NOPCHAP1: variants seen among roughly 807,000 people sequenced by gnomAD.
The protein encoded by NOPCHAP1 is NOP protein chaperone 1, also known as DNA damage-sensitive RNA 1.
In NOPCHAP1, 13 loss-of-function variants were observed where a neutral mutation model predicts 14.0. That is an observed-to-expected ratio of 0.93 (90% CI 0.60 to 1.47). The LOEUF is 1.47. Ranked by LOEUF, NOPCHAP1 falls within the 40% of genes most tolerant of loss-of-function variation. NOPCHAP1 has a pLI of 0.00. For synonymous variants in NOPCHAP1, 78 were observed against 78.4 expected (o/e 1.00, Z 0.03); for missense variants, 230 against 226.9 (o/e 1.01, Z -0.09).
Position 104,998,257 on chromosome 12 carries a change from A to T in NOPCHAP1, c.*3561A>T, listed in dbSNP as rs1188319188. 1 of 152,336 alleles carries T rather than the reference A, an allele frequency of 6.6e-6. No homozygotes were observed. Among genetic ancestry groups the T allele is most frequent in the East Asian group, 1.9e-4 (1 of 5,202 alleles). The allele number at this position is 152,336 out of a possible 1,614,324, so 9.4% of individuals were successfully genotyped here. On this transcript the variant is annotated 3_prime_UTR_variant, in exon 4 of 4. Transcript: ENST00000552951. ...GGAACTAGTGTAGTTTTTTGGAGGT[A>T]AGAAGATACTCTAGTGCTTTTGTCA...
In NOPCHAP1 at chr12:105,005,902, G is replaced by A. The variant is rs975256078; in HGVS notation, c.*11206G>A. On this transcript the variant is annotated 3_prime_UTR_variant, in exon 4 of 4. Coordinates refer to ENST00000552951, the MANE Select transcript of NOPCHAP1 (RefSeq NM_152318.3). ...ATGATCAGAACCCTTCTGCCAGATTGTCTAATGTCAATGTGTTTTCTGATA... is the reference window on the plus strand; with the variant it reads ...ATGATCAGAACCCTTCTGCCAGATTATCTAATGTCAATGTGTTTTCTGATA... 1 of 152,204 alleles carries A rather than the reference G, an allele frequency of 6.6e-6. No individual in the cohort carries two copies. Among genetic ancestry groups the A allele is most frequent in the African/African-American group, 2.4e-5 (1 of 41,450 alleles). 9.4% of individuals were successfully genotyped at this position (152,204 alleles called of 1,614,324 possible).
At chr12:104,989,804 T>C (rs546214849) in intron 2 of NOPCHAP1, among the ~76,000 whole-genome samples, 8 of 152,254 alleles carry the variant, frequency 5.3e-5, no homozygotes, top group African/African-American at 1.9e-4. Context: ...TTGGGTCTTA[T>C]GTTTTGTGTG....
In NOPCHAP1 at chr12:105,012,319, G is replaced by C. The variant is rs570978893; in HGVS notation, c.*17623G>C. ...GTATGCTTCACGAAGTTCTTGGGCTGTGTTTTTCAGCTCCATCAGGTCATT... is the reference window on the plus strand; with the variant it reads ...GTATGCTTCACGAAGTTCTTGGGCTCTGTTTTTCAGCTCCATCAGGTCATT... On this transcript the variant is annotated 3_prime_UTR_variant, in exon 4 of 4. Transcript: ENST00000552951. The C allele has an allele frequency of 6.6e-6, 1 of 152,282 alleles. No individual in the cohort carries two copies. The highest frequency in any genetic ancestry group is 1.9e-4 in the East Asian group (1 of 5,184). The allele number at this position is 152,282 out of a possible 1,614,324, so 9.4% of individuals were successfully genotyped here.
rs1479016857 is a variant in NOPCHAP1, at chr12:104,994,505, T to C, written c.367T>C (p.Ser123Pro). ...TGTGGCTTTGTTTGAGATGAATCAG[T>C]CGGATTCAAAAGAAGTGGACAGTTC... is the stretch of plus-strand genomic sequence containing the variant. Reference protein sequence around the residue: ...MDVALFEMNQSDSKEVDSSEE... With the variant: ...MDVALFEMNQPDSKEVDSSEE... The change falls in exon 4 of 4, where the codon TCG becomes CCG. Residue 123 changes from serine (S) to proline (P), a missense_variant. Transcript: ENST00000552951. 1.2e-6 allele frequency: 2 copies of C among 1,613,928 alleles called. No individual in the cohort carries two copies. Among genetic ancestry groups the C allele is most frequent in the Non-Finnish European group, 1.7e-6 (2 of 1,179,900 alleles).
At chr12:104,989,141 A>T (rs1256082496) in intron 2 of NOPCHAP1, among the ~76,000 whole-genome samples, 1 of 151,930 alleles carries the variant, frequency 6.6e-6, no homozygotes, top group African/African-American at 2.4e-5. Context: ...TAGTGTGGAT[A>T]TAGTGGTATC....
chr12:104,994,727 A>G lies in NOPCHAP1; in HGVS notation c.*31A>G. On this transcript the variant is annotated 3_prime_UTR_variant, in exon 4 of 4. Transcript: ENST00000552951. Reference sequence around the variant, plus strand: ...TAAATTATCTGAAAAGAAACAGGTGACATATGTCTGCAAATTCTGTGAAAA... The same window carrying G: ...TAAATTATCTGAAAAGAAACAGGTGGCATATGTCTGCAAATTCTGTGAAAA... The G allele has an allele frequency of 6.4e-7, 1 of 1,550,888 alleles. No homozygotes were observed. The highest frequency in any genetic ancestry group is 8.8e-7 in the Non-Finnish European group (1 of 1,131,282).
chr12:104,986,605 T>A (rs563275099), intron 1 of NOPCHAP1, 138 bp downstream of exon 1: 1 of 678,280 alleles, frequency 1.5e-6, no homozygotes, highest in Non-Finnish European at 2.3e-6. Context: ...GCTGCGGGGC[T>A]CCGGCGTGCC....
rs1351783587 is a variant in NOPCHAP1 at position 105,017,412 on chromosome 12, T to G, written c.*22716T>G. 6.9e-6 allele frequency: 1 copy of G among 145,616 alleles called. No homozygotes were observed. The highest frequency in any genetic ancestry group is 2.6e-5 in the African/African-American group (1 of 39,158). The allele number at this position is 145,616 out of a possible 1,614,324, so 9.0% of individuals were successfully genotyped here. ...TACTTGGGAGGCTGAGGCAGGAGAA[T>G]CGCTTGAACCCAGGAGGTGGAGGTT... On this transcript the variant is annotated 3_prime_UTR_variant, in exon 4 of 4. Coordinates refer to ENST00000552951, the MANE Select transcript of NOPCHAP1 (RefSeq NM_152318.3).
Position 104,994,775 on chromosome 12 carries a change from T to C in NOPCHAP1, c.*79T>C. On this transcript the variant is annotated 3_prime_UTR_variant, in exon 4 of 4. Coordinates refer to ENST00000552951, the MANE Select transcript of NOPCHAP1 (RefSeq NM_152318.3). ...AAAAGAATGTGATTCACGGGTTCTT[T>C]TGCTTTTCAGGCACCTATGGTGCTT... The C allele has an allele frequency of 7.5e-7, 1 of 1,338,912 alleles. No individual in the cohort carries two copies. The highest frequency in any genetic ancestry group is 1.0e-6 in the Non-Finnish European group (1 of 957,706). 82.9% of individuals were successfully genotyped at this position (1,338,912 alleles called of 1,614,324 possible). A position where few individuals can be genotyped will look rare whatever the true frequency, so the allele number is the denominator to read the frequency against.
Position 105,012,663 on chromosome 12 carries a change from T to A in NOPCHAP1, c.*17967T>A, listed in dbSNP as rs1037721531. 1.3e-5 allele frequency: 2 copies of A among 152,120 alleles called. No homozygotes were observed. The highest frequency in any genetic ancestry group is 6.6e-5 in the Admixed American group (1 of 15,260). The allele number at this position is 152,120 out of a possible 1,614,324, so 9.4% of individuals were successfully genotyped here. On this transcript the variant is annotated 3_prime_UTR_variant, in exon 4 of 4. Coordinates refer to ENST00000552951, the MANE Select transcript of NOPCHAP1 (RefSeq NM_152318.3). ...CTCTTTTATGTTGGTAACCTTTGGG[T>A]GGGGTTTCTGTGTGGACGTCCTTTT...
At position 104,999,315 on chromosome 12, in the gene NOPCHAP1, C is replaced by G. The variant is rs756401301; in HGVS notation, c.*4619C>G. On this transcript the variant is annotated 3_prime_UTR_variant, in exon 4 of 4. Coordinates refer to ENST00000552951, the MANE Select transcript of NOPCHAP1 (RefSeq NM_152318.3). Reference sequence around the variant, plus strand: ...GAGAGTGGGATCAGGTGGTCTGGTGCACGGTCTGTTGTGGGTGGGGGTAGT... The same window carrying G: ...GAGAGTGGGATCAGGTGGTCTGGTGGACGGTCTGTTGTGGGTGGGGGTAGT... 4 of 152,464 alleles carry G rather than the reference C, an allele frequency of 2.6e-5. No individual in the cohort carries two copies. Among genetic ancestry groups the G allele is most frequent in the Non-Finnish European group, 4.4e-5 (3 of 68,296 alleles). The allele number at this position is 152,464 out of a possible 1,614,324, so 9.4% of individuals were successfully genotyped here.
Position 104,988,270 on chromosome 12 carries a change from C to A in NOPCHAP1, c.202+17C>A. 2 of 1,551,436 alleles carry A rather than the reference C, an allele frequency of 1.3e-6. No homozygotes were observed. Among genetic ancestry groups the A allele is most frequent in the Non-Finnish European group, 8.9e-7 (1 of 1,126,492 alleles). ...GGAGTCCCTGTAAGTACCTCTTCCC[C>A]TCTCTCACCCTCTCTAATGCTGAGT... On this transcript the variant is annotated intron_variant, in intron 2 of 3. Transcript: ENST00000552951.
In NOPCHAP1 at chr12:105,001,957, G is replaced by C. The variant is rs1438539420; in HGVS notation, c.*7261G>C. The C allele has an allele frequency of 6.6e-6, 1 of 152,124 alleles. No homozygotes were observed. The highest frequency in any genetic ancestry group is 1.5e-5 in the Non-Finnish European group (1 of 68,012). 9.4% of individuals were successfully genotyped at this position (152,124 alleles called of 1,614,324 possible). Reference sequence around the variant, plus strand: ...TTATTTAAAGGTATTATGGGGAGCAGTTTTCTGGAGAATTCCTTGGATGCT... The same window carrying C: ...TTATTTAAAGGTATTATGGGGAGCACTTTTCTGGAGAATTCCTTGGATGCT... On this transcript the variant is annotated 3_prime_UTR_variant, in exon 4 of 4. Coordinates refer to ENST00000552951, the MANE Select transcript of NOPCHAP1 (RefSeq NM_152318.3).
At position 104,998,500 on chromosome 12, in the gene NOPCHAP1, A is replaced by G. The variant is rs1326717938; in HGVS notation, c.*3804A>G. 2.6e-5 allele frequency: 4 copies of G among 152,224 alleles called. No individual in the cohort carries two copies. Among genetic ancestry groups the G allele is most frequent in the Non-Finnish European group, 5.9e-5 (4 of 68,080 alleles). The allele number at this position is 152,224 out of a possible 1,614,324, so 9.4% of individuals were successfully genotyped here. On this transcript the variant is annotated 3_prime_UTR_variant, in exon 4 of 4. Coordinates refer to ENST00000552951, the MANE Select transcript of NOPCHAP1 (RefSeq NM_152318.3). ...TATGCTGTAATTCTGGGGGGCTGAT[A>G]TCAGGCCCCTGGCTTTGTTCTCTGG...
chr12:104,988,121 T>C, intron 1 of NOPCHAP1, 46 bp from the exon 2 acceptor site: 2 of 1,451,138 alleles, frequency 1.4e-6, no homozygotes, highest in Non-Finnish European at 1.9e-6. Flanking sequence ...CCTTTGTTTT[T>C]TTATGCTGTA....
rs764815193 is a variant in NOPCHAP1, at chr12:104,994,526, A to T, written c.388A>T (p.Ser130Cys). Residue 130 changes from serine (S) to cysteine (C), a missense_variant, in exon 4 of 4, where the codon AGT (serine) becomes TGT (cysteine). Ser to Cys is a moderately radical substitution (Grantham distance 112). Coordinates refer to ENST00000552951, the MANE Select transcript of NOPCHAP1 (RefSeq NM_152318.3). ...TCAGTCGGATTCAAAAGAAGTGGACAGTTCAGAAGAGAGTTCACAAGACAG... is the reference window on the plus strand; with the variant it reads ...TCAGTCGGATTCAAAAGAAGTGGACTGTTCAGAAGAGAGTTCACAAGACAG... Reference protein sequence around the residue: ...MNQSDSKEVDSSEESSQDSSE... With the variant: ...MNQSDSKEVDCSEESSQDSSE... The T allele has an allele frequency of 3.1e-6, 5 of 1,613,446 alleles. No individual in the cohort carries two copies. The highest frequency in any genetic ancestry group is 2.5e-6 in the Non-Finnish European group (3 of 1,179,714).
Position 104,986,464 on chromosome 12 carries a change from G to C in NOPCHAP1, c.112G>C (p.Gly38Arg). The C allele has an allele frequency of 1.3e-6, 2 of 1,599,128 alleles. No homozygotes were observed. The highest frequency in any genetic ancestry group is 1.7e-6 in the Non-Finnish European group (2 of 1,171,754). The change falls in exon 1 of 4, where the codon GGA becomes CGA. Residue 38 changes from glycine (G) to arginine (R), a missense_variant. By Grantham distance (125) the Gly-to-Arg change is moderately radical. Coordinates refer to ENST00000552951, the MANE Select transcript of NOPCHAP1 (RefSeq NM_152318.3). The part of the protein sequence containing the change: ...ELLTAGSDGR[G>R]GIWDRLLINS... ...GCTGACGGCGGGAAGCGACGGCCGCGGAGGTGACGGACGGGTGACGGCGGC... is the reference window on the plus strand; with the variant it reads ...GCTGACGGCGGGAAGCGACGGCCGCCGAGGTGACGGACGGGTGACGGCGGC...
chr12:105,003,256 T>G lies in NOPCHAP1; in HGVS notation c.*8560T>G, dbSNP rs74872683. 1 of 152,136 alleles carries G rather than the reference T, an allele frequency of 6.6e-6. No individual in the cohort carries two copies. The highest frequency in any genetic ancestry group is 1.5e-5 in the Non-Finnish European group (1 of 68,022). The allele number at this position is 152,136 out of a possible 1,614,324, so 9.4% of individuals were successfully genotyped here. On this transcript the variant is annotated 3_prime_UTR_variant, in exon 4 of 4. Coordinates refer to ENST00000552951, the MANE Select transcript of NOPCHAP1 (RefSeq NM_152318.3). ...GGGCCACTGGAATTCTAATTTTTTT[T>G]GTGTGTGTGTGAGTTTCATTTTTCT...
In NOPCHAP1 at chr12:104,997,932, T is replaced by G. The variant is rs1218464509; in HGVS notation, c.*3236T>G. 1 of 152,234 alleles carries G rather than the reference T, an allele frequency of 6.6e-6. No individual in the cohort carries two copies. The highest frequency in any genetic ancestry group is 2.4e-5 in the African/African-American group (1 of 41,460). The allele number at this position is 152,234 out of a possible 1,614,324, so 9.4% of individuals were successfully genotyped here. On this transcript the variant is annotated 3_prime_UTR_variant, in exon 4 of 4. Coordinates refer to ENST00000552951, the MANE Select transcript of NOPCHAP1 (RefSeq NM_152318.3). ...TTTCTCCAATAAAGAAAAAGATGTT[T>G]CAGAGAGCCATCTTCAAGCTCTGAG... is the stretch of plus-strand genomic sequence containing the variant.
Sources: allele counts gnomAD v4.1 joint callset (sites outside exome capture counted in the v4.1 genomes callset), GRCh38; gene constraint gnomAD v4.1.1; transcripts MANE v1.5; gene names NCBI Gene and HGNC (gene_info 2026-07-23, HGNC 2026-07-21).